The following NCOR1 variants were observed in gnomAD, a reference collection of about 807,000 sequenced individuals.
NCOR1 encodes nuclear receptor corepressor 1.
In NCOR1, 63 loss-of-function variants were observed where a neutral mutation model predicts 288.1. The observed-to-expected ratio is 0.22, with a 90% CI of 0.18 to 0.27. The LOEUF (loss-of-function observed/expected upper bound fraction) is 0.27. NCOR1 is among the 10% of genes least tolerant of loss of function. The pLI is 1.00. For synonymous variants in NCOR1, 1,007 were observed against 1,065.9 expected (o/e 0.94, Z 1.08); for missense variants, 2,397 against 3,019.2 (o/e 0.79, Z 4.83).
At chr17:16,185,937 T>A (rs2086591223) in intron 3 of NCOR1, among the ~76,000 whole-genome samples, 1 of 151,480 alleles carries the variant, frequency 6.6e-6, no homozygotes, top group South Asian at 2.1e-4. Context: ...AAAGATCCTG[T>A]CTCCAAAAAA....
At chr17:16,136,806 C>CAA (rs60523446) in intron 14 of NCOR1, among the ~76,000 whole-genome samples, 2,275 of 111,674 alleles carry the variant, frequency 0.02, 81 homozygotes, top group African/African-American at 0.079. Flanking sequence ...GACTCTGTTT[C>CAA]AAAAAAAAAA....
intron 40 of NCOR1, among the ~76,000 whole-genome samples, chr17:16,055,536 T>C (rs1200763273): frequency 6.6e-6 from 1 of 151,798 alleles, no homozygotes; most frequent in Non-Finnish European, 1.5e-5. Context: ...GGATGGAGGG[T>C]GGGAGGAGAA....
rs571174228 is a variant in NCOR1, at chr17:16,040,446, G to A, written c.6728C>T (p.Thr2243Met). The A allele has an allele frequency of 1.7e-5, 28 of 1,613,378 alleles. No individual in the cohort carries two copies. The highest frequency in any genetic ancestry group is 2.4e-5 in the Non-Finnish European group (28 of 1,179,738). ...TEIFNLPAVT[T>M]SGSVSSRGHS... ...TAATGTCTTTTCAATCTTACCTGAC[G>A]TAGTAACTGCTGGCAGATTAAAGAT... The change falls in exon 43 of 46, where the codon ACG becomes ATG. Residue 2243 changes from threonine to methionine, a missense_variant. By Grantham distance (81) the Thr-to-Met change is moderately conservative. This residue lies in a region of NCOR1 where 1,872 missense variants were observed against 2,187.8 expected (regional missense o/e 0.86). Transcript: ENST00000268712.
At chr17:16,180,810 A>C (rs1226296676) in intron 3 of NCOR1, among the ~76,000 whole-genome samples, 1 of 152,112 alleles carries the variant, frequency 6.6e-6, no homozygotes, top group Non-Finnish European at 1.5e-5. Context: ...AGCATCATTC[A>C]CAATAGTTCA....
chr17:16,203,745 A>G (rs1172964332), intron 1 of NCOR1, among the ~76,000 whole-genome samples: 1 of 152,226 alleles, frequency 6.6e-6, no homozygotes, highest in Non-Finnish European at 1.5e-5. Context: ...TTTAAAAGAA[A>G]TAAGAAATAT....
At chr17:16,064,025 T>C (rs1368794679) in intron 35 of NCOR1, 43 bp downstream of exon 35, 1 of 1,608,136 alleles carries the variant, frequency 6.2e-7, no homozygotes, top group Non-Finnish European at 8.5e-7. Flanking sequence ...ACAAGATTAC[T>C]AAGATGTGTC....
At position 16,062,218 on chromosome 17, in the gene NCOR1, G is replaced by A. The variant is rs534856519; in HGVS notation, c.5274C>T (p.Ser1758=). The part of the protein sequence containing the change: ...PGSHGYVRSP[S]PSVRTQETML... Reference sequence around the variant, plus strand: ...TGGTCTCCTGAGTTCTTACTGAAGGGGAAGGGGAGCGAACATATCCATGAC... The same window carrying A: ...TGGTCTCCTGAGTTCTTACTGAAGGAGAAGGGGAGCGAACATATCCATGAC... The change falls in exon 36 of 46, where the codon TCC becomes TCT. Residue 1758 remains serine, a synonymous_variant. Coordinates refer to ENST00000268712, the MANE Select transcript of NCOR1 (RefSeq NM_006311.4). 9.9e-6 allele frequency: 16 copies of A among 1,613,830 alleles called. No individual in the cohort carries two copies. Among genetic ancestry groups the A allele is most frequent in the Middle Eastern group, 1.6e-4 (1 of 6,062 alleles).
intron 4 of NCOR1, among the ~76,000 whole-genome samples, chr17:16,171,035 T>C (rs1301122694): frequency 2.0e-5 from 3 of 152,084 alleles, no homozygotes; most frequent in African/African-American, 7.2e-5. Context: ...CAACTATAGC[T>C]AATAATATGT....
chr17:16,156,338 A>C (rs1459206909), intron 6 of NCOR1, among the ~76,000 whole-genome samples: 1 of 151,980 alleles, frequency 6.6e-6, no homozygotes, highest in African/African-American at 2.4e-5. Context: ...TGGGAGGCTG[A>C]GGCAGGAGAA....
intron 1 of NCOR1, among the ~76,000 whole-genome samples, chr17:16,207,739 C>CA (rs200123318): frequency 0.057 from 3,452 of 60,378 alleles, 79 homozygotes; most frequent in African/African-American, 0.099. Context: ...ACTCCATCTC[C>CA]AAAAAAAAAA....
chr17:16,089,526 T>C (rs540607461), intron 22 of NCOR1, among the ~76,000 whole-genome samples: 1 of 152,188 alleles, frequency 6.6e-6, no homozygotes, highest in Admixed American at 6.5e-5. Context: ...ATTTATACCA[T>C]TCACATTAAG....
At chr17:16,177,301 A>G (rs1465485775) in intron 3 of NCOR1, among the ~76,000 whole-genome samples, 3 of 152,044 alleles carry the variant, frequency 2.0e-5, no homozygotes, top group African/African-American at 7.3e-5. Flanking sequence ...TATTTATATT[A>G]TTAAGTTCTT....
intron 22 of NCOR1, among the ~76,000 whole-genome samples, chr17:16,089,807 C>T (rs1255649216): frequency 6.6e-6 from 1 of 152,082 alleles, no homozygotes; most frequent in Non-Finnish European, 1.5e-5. Flanking sequence ...TTATCCTATA[C>T]ACTGAACTAC....
intron 3 of NCOR1, among the ~76,000 whole-genome samples, chr17:16,179,342 A>G (rs1270770195): frequency 1.3e-5 from 2 of 152,186 alleles, no homozygotes; most frequent in South Asian, 2.1e-4. Context: ...ATGAACCATT[A>G]TATGTCAATA....
intron 14 of NCOR1, among the ~76,000 whole-genome samples, chr17:16,128,240 A>T (rs555629380): frequency 6.6e-6 from 1 of 152,284 alleles, no homozygotes; most frequent in East Asian, 1.9e-4. Flanking sequence ...CATGCCCAGC[A>T]CTTGCATAGC....
intron 20 of NCOR1, 21 bp downstream of exon 20, chr17:16,101,229 G>T: frequency 1.3e-6 from 2 of 1,552,940 alleles, no homozygotes; most frequent in South Asian, 1.3e-5. Flanking sequence ...GCACGGGGAG[G>T]ACTTATGGAA....
chr17:16,108,668 A>G, intron 19 of NCOR1, 118 bp downstream of exon 19: 1 of 780,090 alleles, frequency 1.3e-6, no homozygotes, highest in Non-Finnish European at 1.9e-6. Context: ...AAGTCTCCAC[A>G]CCATGAAAAC....
At chr17:16,205,323 A>T (rs1473527001) in intron 1 of NCOR1, among the ~76,000 whole-genome samples, 3 of 152,120 alleles carry the variant, frequency 2.0e-5, no homozygotes, top group Non-Finnish European at 4.4e-5. Context: ...AAAAGTAGGC[A>T]ATTTATAAAA....
chr17:16,196,459 C>A (rs178809), intron 1 of NCOR1, among the ~76,000 whole-genome samples: 69,696 of 151,958 alleles, frequency 0.46, 16,931 homozygotes, highest in Middle Eastern at 0.58. Flanking sequence ...CTCCTAAGGC[C>A]AGGCGTTCAA....
Sources: gnomAD v4.1 joint callset for allele counts (sites outside exome capture counted in the v4.1 genomes callset) on GRCh38, gnomAD v4.1.1 for gene constraint, gnomAD v4.1.1 regional missense constraint, MANE v1.5 for transcripts, NCBI Gene and HGNC (gene_info 2026-07-23, HGNC 2026-07-21) for gene names.